RARB: variants seen among roughly 807,000 people sequenced by gnomAD.
RARB encodes the protein HBV-activated protein.
RARB carries 17 observed loss-of-function variants against 51.9 expected under a neutral mutation model. The ratio of observed to expected loss-of-function variants is 0.33; its 90% CI spans 0.22 to 0.49. RARB has a LOEUF of 0.49. RARB is among the 20% of genes least tolerant of loss of function. The pLI, the probability that RARB is intolerant of heterozygous loss-of-function variation, is 0.99. For synonymous variants in RARB, 215 were observed against 195.4 expected, an observed-to-expected ratio of 1.10 and a Z score of -0.84; for missense variants, 369 against 550.8, an observed-to-expected ratio of 0.67 and a Z score of 3.30.
chr3:25,109,737 C>A (rs544610291), intron 3 of RARB, among the ~76,000 whole-genome samples: 1 of 152,120 alleles, frequency 6.6e-6, no homozygotes, highest in Non-Finnish European at 1.5e-5. Context: ...TTTCCGTGAG[C>A]GTTACGTCAG....
At chr3:25,075,397 G>A (rs903029452) in intron 3 of RARB, among the ~76,000 whole-genome samples, 2 of 152,140 alleles carry the variant, frequency 1.3e-5, no homozygotes, top group African/African-American at 4.8e-5. Flanking sequence ...TTTCTGTGCA[G>A]TAATTTAGCT....
chr3:24,997,869 T>C (rs920190249), intron 2 of RARB, among the ~76,000 whole-genome samples: 5 of 151,638 alleles, frequency 3.3e-5, no homozygotes, highest in Admixed American at 2.6e-4. Flanking sequence ...AACTTCTTGA[T>C]TGAGTTGTTA....
intron 3 of RARB, among the ~76,000 whole-genome samples, chr3:25,554,996 C>T (rs1374263715): frequency 1.3e-5 from 2 of 152,202 alleles, no homozygotes; most frequent in African/African-American, 4.8e-5. Context: ...GCAGAGCACT[C>T]TCGGTCCAAT....
intron 5 of RARB, among the ~76,000 whole-genome samples, chr3:25,337,163 A>G (rs1383668608): frequency 6.6e-6 from 1 of 152,154 alleles, no homozygotes; most frequent in African/African-American, 2.4e-5. Context: ...CATTTTGCTC[A>G]TCTATGGATA....
chr3:25,036,638 C>T (rs1575129765), intron 2 of RARB, among the ~76,000 whole-genome samples: 1 of 152,154 alleles, frequency 6.6e-6, no homozygotes, highest in Non-Finnish European at 1.5e-5. Context: ...AACTGGCCAC[C>T]TGGACCTCAG....
chr3:25,052,156 A>G (rs993786765), intron 2 of RARB, among the ~76,000 whole-genome samples: 3 of 152,330 alleles, frequency 2.0e-5, no homozygotes, highest in Admixed American at 1.3e-4. Context: ...AACTGGACAG[A>G]GGAGGTGGTA....
At chr3:24,955,208 G>A (rs552034203) in intron 2 of RARB, among the ~76,000 whole-genome samples, 77 of 152,280 alleles carry the variant, frequency 5.1e-4, no homozygotes, top group African/African-American at 1.8e-3. Context: ...TAAGAAGAAG[G>A]TAAAGCCCAG....
intron 1 of RARB, among the ~76,000 whole-genome samples, chr3:24,833,862 A>T (rs1331893237): frequency 6.6e-6 from 1 of 152,214 alleles, no homozygotes; most frequent in African/African-American, 2.4e-5. Flanking sequence ...CCAGTTGATA[A>T]GTATTTTGGA....
At chr3:25,488,541 G>C (rs1247300387) in intron 2 of RARB, among the ~76,000 whole-genome samples, 1 of 152,178 alleles carries the variant, frequency 6.6e-6, no homozygotes, top group Non-Finnish European at 1.5e-5. Context: ...AAAGCTCCTA[G>C]ATGAGGCTTC....
At chr3:25,485,874 G>C (rs1237414332) in intron 2 of RARB, among the ~76,000 whole-genome samples, 1 of 152,116 alleles carries the variant, frequency 6.6e-6, no homozygotes, top group Non-Finnish European at 1.5e-5. Context: ...AGATTCTGGG[G>C]ATAATTGCTG....
chr3:25,213,044 T>C (rs747147219), intron 5 of RARB, among the ~76,000 whole-genome samples: 11 of 152,182 alleles, frequency 7.2e-5, no homozygotes, highest in Non-Finnish European at 1.6e-4. Context: ...GACCATGCTT[T>C]GCTTTTTTTT....
intron 5 of RARB, among the ~76,000 whole-genome samples, chr3:25,229,996 T>A (rs1255719662): frequency 1.3e-5 from 2 of 152,094 alleles, no homozygotes; most frequent in African/African-American, 4.8e-5. Flanking sequence ...GGGAAGGATC[T>A]TGAGTAAATA....
At chr3:25,069,614 A>T (rs1478084876) in intron 3 of RARB, among the ~76,000 whole-genome samples, 6 of 152,140 alleles carry the variant, frequency 3.9e-5, no homozygotes, top group Non-Finnish European at 8.8e-5. Context: ...AGGCAAGAAC[A>T]CTGTAAATCT....
intron 2 of RARB, among the ~76,000 whole-genome samples, chr3:25,032,571 C>T (rs1575127502): frequency 1.3e-5 from 2 of 152,316 alleles, no homozygotes; most frequent in African/African-American, 4.8e-5. Flanking sequence ...ATAAACAACA[C>T]TGATATTCCA....
intron 5 of RARB, among the ~76,000 whole-genome samples, chr3:25,344,979 A>C (rs1335270320): frequency 6.6e-6 from 1 of 152,196 alleles, no homozygotes; most frequent in African/African-American, 2.4e-5. Context: ...TTATGGTCTT[A>C]AGCATTTTCT....
chr3:25,288,443 G>A (rs1703707759), intron 5 of RARB, among the ~76,000 whole-genome samples: 1 of 152,196 alleles, frequency 6.6e-6, no homozygotes, highest in African/African-American at 2.4e-5. Flanking sequence ...CACAGTCAAT[G>A]TGCTGTTTTC....
chr3:25,538,738 A>G (rs1352457080), intron 3 of RARB, among the ~76,000 whole-genome samples: 2 of 152,238 alleles, frequency 1.3e-5, no homozygotes, highest in Non-Finnish European at 2.9e-5. Flanking sequence ...CTTCATCACA[A>G]TAGTTTGAGG....
At chr3:24,859,036 C>CAAAAAAAAAA in intron 2 of RARB, among the ~76,000 whole-genome samples, 1 of 50,320 alleles carries the variant, frequency 2.0e-5, no homozygotes, top group Non-Finnish European at 4.3e-5. Flanking sequence ...GACTCTGTCT[C>CAAAAAAAAAA]AAAAAAAAAA....
intron 5 of RARB, among the ~76,000 whole-genome samples, chr3:25,340,376 T>C (rs930115274): frequency 1.3e-5 from 2 of 152,150 alleles, no homozygotes; most frequent in Admixed American, 6.6e-5. Context: ...GATATAACCA[T>C]CCCTTCATGC....
Sources: allele counts gnomAD v4.1 joint callset (sites outside exome capture counted in the v4.1 genomes callset), GRCh38; gene constraint gnomAD v4.1.1; transcripts MANE v1.5; gene names NCBI Gene and HGNC (gene_info 2026-07-23, HGNC 2026-07-21).